The following RSRC1 variants were observed in gnomAD, a reference collection of about 807,000 sequenced individuals.
RSRC1 encodes the protein arginine and serine rich coiled-coil 1.
Under a neutral mutation model 49.1 loss-of-function variants are expected in RSRC1, and 39 were observed. The observed-to-expected ratio is 0.79, with a 90% CI of 0.61 to 1.04. RSRC1 has a LOEUF of 1.04. Ranked by LOEUF, RSRC1 falls within the 50% of genes least tolerant of loss-of-function variation. RSRC1 has a pLI of 0.00. For missense variants in RSRC1, 388 were observed against 402.4 expected (o/e 0.96, Z 0.31); for synonymous variants, 143 against 130.8 (o/e 1.09, Z -0.63).
intron 3 of RSRC1, among the ~76,000 whole-genome samples, chr3:158,180,586 C>T (rs1719540178): frequency 6.6e-6 from 1 of 150,998 alleles, no homozygotes; most frequent in South Asian, 2.1e-4. Flanking sequence ...CCTCACTCTC[C>T]CGAGTAGCTG....
chr3:158,136,940 C>G (rs1716416983), intron 3 of RSRC1: 2 of 152,158 alleles, frequency 1.3e-5, no homozygotes, highest in Admixed American at 1.3e-4. Flanking sequence ...AAAATCTGCT[C>G]TGTTCTTGTA....
chr3:158,540,051 C>G (rs1392235698), intron 8 of RSRC1, among the ~76,000 whole-genome samples: 1 of 152,182 alleles, frequency 6.6e-6, no homozygotes, highest in Non-Finnish European at 1.5e-5. Context: ...TATGCTCTTA[C>G]AGTCCCCGTA....
At chr3:158,205,490 A>T (rs936163284) in intron 4 of RSRC1, among the ~76,000 whole-genome samples, 3 of 152,154 alleles carry the variant, frequency 2.0e-5, no homozygotes, top group Admixed American at 6.6e-5. Flanking sequence ...AGTAATAAGG[A>T]TATAAATGTT....
At chr3:158,376,950 G>A (rs939159982) in intron 6 of RSRC1, among the ~76,000 whole-genome samples, 20 of 152,046 alleles carry the variant, frequency 1.3e-4, no homozygotes. Flanking sequence ...TACAGTTGGG[G>A]GTGTTGTGTT....
At chr3:158,424,290 GGTT>G (rs1463492638) in intron 6 of RSRC1, among the ~76,000 whole-genome samples, 2 of 151,284 alleles carry the variant, frequency 1.3e-5, no homozygotes, top group African/African-American at 4.9e-5. Flanking sequence ...TAGCATGAAG[GGTT>G]GTTGAATTTT....
chr3:158,328,701 A>T (rs1480676388), intron 5 of RSRC1, among the ~76,000 whole-genome samples: 1 of 152,058 alleles, frequency 6.6e-6, no homozygotes, highest in Admixed American at 6.5e-5. Context: ...GAATCTGACA[A>T]TTATGCACCT....
chr3:158,125,810 A>C (rs550452351), intron 3 of RSRC1, among the ~76,000 whole-genome samples: 1 of 152,160 alleles, frequency 6.6e-6, no homozygotes, highest in Admixed American at 6.5e-5. Context: ...TTATTGAAAT[A>C]CCCTACTATT....
At chr3:158,336,640 A>C (rs919589170) in intron 5 of RSRC1, 3 of 152,128 alleles carry the variant, frequency 2.0e-5, no homozygotes, top group African/African-American at 7.2e-5. Context: ...AACCAAGTTC[A>C]AATTTTGAGA....
intron 7 of RSRC1, among the ~76,000 whole-genome samples, chr3:158,491,450 T>G (rs73154304): frequency 0.2 from 30,460 of 152,050 alleles, 3,481 homozygotes; most frequent in South Asian, 0.27. Flanking sequence ...CTTTGTTTTG[T>G]TTTGGTTTGG....
At chr3:158,469,465 GT>G (rs1397213576) in intron 7 of RSRC1, 6 of 388,304 alleles carry the variant, frequency 1.5e-5, no homozygotes, top group Non-Finnish European at 3.0e-5. Flanking sequence ...ACCATGCAAA[GT>G]CTTATACTAT....
chr3:158,462,799 A>G (rs1191447207), intron 7 of RSRC1, among the ~76,000 whole-genome samples: 1 of 151,952 alleles, frequency 6.6e-6, no homozygotes, highest in Non-Finnish European at 1.5e-5. Flanking sequence ...TTTAATTTAG[A>G]CTTTTCACTA....
chr3:158,542,358 C>T (rs1389600931), intron 8 of RSRC1, among the ~76,000 whole-genome samples: 2 of 152,134 alleles, frequency 1.3e-5, no homozygotes, highest in Non-Finnish European at 2.9e-5. Context: ...TGGCAAGACA[C>T]CGTCTCTACT....
intron 6 of RSRC1, among the ~76,000 whole-genome samples, chr3:158,365,757 C>G (rs1274276571): frequency 2.0e-5 from 3 of 152,158 alleles, no homozygotes; most frequent in Non-Finnish European, 4.4e-5. Flanking sequence ...AATTTACACT[C>G]CCACCAACAT....
At chr3:158,303,707 A>G (rs1371448407) in intron 5 of RSRC1, 1 of 152,204 alleles carries the variant, frequency 6.6e-6, no homozygotes, top group Non-Finnish European at 1.5e-5. Context: ...GTATTCATTG[A>G]GTATTATTCT....
At chr3:158,365,433 A>G (rs1056875101) in intron 6 of RSRC1, among the ~76,000 whole-genome samples, 7 of 152,134 alleles carry the variant, frequency 4.6e-5, no homozygotes, top group African/African-American at 1.7e-4. Context: ...TTTGCTGAGA[A>G]TGATGGTTTC....
chr3:158,473,664 T>TA (rs1398420499), intron 7 of RSRC1, among the ~76,000 whole-genome samples: 7 of 150,750 alleles, frequency 4.6e-5, no homozygotes, highest in Admixed American at 1.3e-4. Flanking sequence ...AAGTATAATT[T>TA]AAAAAAAAAG....
rs200803522 is a variant in RSRC1, at chr3:158,424,079, A to G, written c.584-36856A>G. Among the ~76,000 whole-genome samples the G allele has an allele frequency of 1.3e-4, 20 of 151,918 alleles. No homozygotes were observed. The East Asian group carries it at 2.7e-3, about 21-fold the overall frequency. The stretch of plus-strand genomic sequence containing the variant: ...TACCCTTTATTTCCTTCTCCTGCCT[A>G]ATTGCCCTGGCCAGAACTTCCAACA... On this transcript the variant is annotated intron_variant, in intron 6 of 9. Coordinates refer to ENST00000611884, the MANE Select transcript of RSRC1 (RefSeq NM_001271838.2).
intron 6 of RSRC1, among the ~76,000 whole-genome samples, chr3:158,379,358 G>T (rs996660905): frequency 1.3e-5 from 2 of 151,306 alleles, no homozygotes; most frequent in Non-Finnish European, 2.9e-5. Flanking sequence ...CCGCCACCAC[G>T]CCCGGCTAAT....
rs561746549 is a variant in RSRC1 at position 158,425,424 on chromosome 3, A to C, written c.584-35511A>C. On this transcript the variant is annotated intron_variant, in intron 6 of 9. Coordinates refer to ENST00000611884, the MANE Select transcript of RSRC1 (RefSeq NM_001271838.2). ...TTTCGTAATCCTGAGTTCTAGTTTG[A>C]TTGCACTGTGGTCTGAGAGATAGTT... Among the ~76,000 whole-genome samples the C allele has an allele frequency of 3.0e-3, 449 of 152,114 alleles. 6 individuals carry two copies. The highest frequency in any genetic ancestry group is 0.01 in the African/African-American group (422 of 41,514).
Sources: gnomAD v4.1 joint callset for allele counts (sites outside exome capture counted in the v4.1 genomes callset) on GRCh38, gnomAD v4.1.1 for gene constraint, MANE v1.5 for transcripts, NCBI Gene and HGNC (gene_info 2026-07-23, HGNC 2026-07-21) for gene names.